The following EIF3A variants were observed in gnomAD, a reference collection of about 807,000 sequenced individuals.
The protein encoded by EIF3A is EIF3, p180 subunit.
A neutral mutation model predicts 186.6 loss-of-function variants in EIF3A; 21 were observed. The ratio of observed to expected loss-of-function variants is 0.11; its 90% confidence interval spans 0.08 to 0.16. EIF3A has a LOEUF of 0.16. Ranked by LOEUF, EIF3A falls within the 10% of genes least tolerant of loss-of-function variation. The pLI is 1.00. For missense variants in EIF3A, 1,306 were observed against 1,796.3 expected (o/e 0.73, Z 4.93); for synonymous variants, 563 against 584.3 (o/e 0.96, Z 0.52).
At chr10:119,069,742 A>G in intron 5 of EIF3A, 88 bp from the exon 6 acceptor site, 2 of 716,912 alleles carry the variant, frequency 2.8e-6, no homozygotes, top group Admixed American at 2.2e-5. Context: ...ACAACACAGA[A>G]AACATAAAAA....
Position 119,033,886 on chromosome 10 carries a change from A to G in EIF3A, c.*2153T>C, listed in dbSNP as rs868485028. ...GTGTCTTTGGTTAAAAAAAAAAAAA[A>G]ACACAGGCAGTTCTTTACATAAAAA... On this transcript the variant is annotated 3_prime_UTR_variant, in exon 22 of 22. Transcript: ENST00000369144. 5 of 159,916 alleles carry G rather than the reference A, an allele frequency of 3.1e-5. No individual in the cohort carries two copies. Among genetic ancestry groups the G allele is most frequent in the African/African-American group, 1.2e-4 (5 of 40,560 alleles). The allele number at this position is 159,916 out of a possible 1,614,324, so 9.9% of individuals were successfully genotyped here. A position where few individuals can be genotyped will look rare whatever the true frequency, so the allele number is the denominator to read the frequency against.
intron 21 of EIF3A, 51 bp downstream of exon 21, chr10:119,037,068 C>CT (rs757776609): frequency 3.5e-6 from 3 of 867,592 alleles, no homozygotes; most frequent in African/African-American, 3.5e-5. Context: ...AATCCCCCCC[C>CT]CCCCAGAAAC....
At chr10:119,063,832 C>T (rs1843927544) in intron 7 of EIF3A, among the ~76,000 whole-genome samples, 1 of 152,172 alleles carries the variant, frequency 6.6e-6, no homozygotes, top group African/African-American at 2.4e-5. Context: ...CCTGTAATCC[C>T]AGCACTTAGG....
At chr10:119,074,190 G>A (rs975303328) in intron 1 of EIF3A, among the ~76,000 whole-genome samples, 8 of 152,156 alleles carry the variant, frequency 5.3e-5, no homozygotes, top group Admixed American at 1.3e-4. Context: ...TCCAGGCCGG[G>A]CGCAGTGGCT....
chr10:119,058,183 T>C lies in EIF3A; in HGVS notation c.1750A>G (p.Ser584Gly), dbSNP rs1450840543. ...TIEERKERLE[S>G]LNIQREKEEL... ...TCTTTCTCACGCTGAATATTCAGACTCTCAAGGCGCTCTTTTCTCTCCTCA... is the reference window on the plus strand; with the variant it reads ...TCTTTCTCACGCTGAATATTCAGACCCTCAAGGCGCTCTTTTCTCTCCTCA... Residue 584 changes from serine to glycine, a missense_variant, in exon 12 of 22, where the codon AGT (serine) becomes GGT (glycine). Physicochemically the swap from Ser to Gly is moderately conservative, Grantham distance 56. Around this residue, in one of 8 missense-constraint regions of EIF3A, gnomAD observed 94 missense variants for 204.9 expected, o/e 0.46. Transcript: ENST00000369144. The C allele has an allele frequency of 1.2e-6, 2 of 1,613,990 alleles. No individual in the cohort carries two copies. The highest frequency in any genetic ancestry group is 1.3e-5 in the African/African-American group (1 of 74,934).
At chr10:119,079,918 A>G (rs945034700) in intron 1 of EIF3A, among the ~76,000 whole-genome samples, 1 of 152,086 alleles carries the variant, frequency 6.6e-6, no homozygotes, top group Non-Finnish European at 1.5e-5. Context: ...CTTTACATTA[A>G]CTCTATTCCA....
chr10:119,038,505 T>C (rs971904985), intron 19 of EIF3A, 66 bp from the exon 20 acceptor site: 12 of 1,290,584 alleles, frequency 9.3e-6, no homozygotes, highest in African/African-American at 7.4e-5. Flanking sequence ...TTGGCAATCA[T>C]GAATAGACGT....
intron 11 of EIF3A, 85 bp from the exon 12 acceptor site, chr10:119,058,388 A>T (rs1843826540): frequency 2.2e-6 from 2 of 900,814 alleles, no homozygotes; most frequent in East Asian, 5.3e-5. Flanking sequence ...AATAATCCTG[A>T]TGTACTGCCT....
chr10:119,066,648 C>A (rs1843986287), intron 6 of EIF3A, among the ~76,000 whole-genome samples: 1 of 150,156 alleles, frequency 6.7e-6, no homozygotes, highest in Admixed American at 6.7e-5. Flanking sequence ...GCTAAATTTT[C>A]ACATCCCTGA....
At chr10:119,071,208 C>T (rs1844064601) in intron 4 of EIF3A, 123 bp from the exon 5 acceptor site, 1 of 701,588 alleles carries the variant, frequency 1.4e-6, no homozygotes, top group Non-Finnish European at 2.4e-6. Context: ...CATCATTAGT[C>T]TTTGTGATGC....
At chr10:119,039,624 CA>C (rs1848181844) in intron 19 of EIF3A, among the ~76,000 whole-genome samples, 1 of 152,076 alleles carries the variant, frequency 6.6e-6, no homozygotes, top group Non-Finnish European at 1.5e-5. Flanking sequence ...GATCTGAGAT[CA>C]CGCCACTGCA....
intron 9 of EIF3A, chr10:119,060,122 G>A (rs1409752173): frequency 2.0e-6 from 1 of 503,958 alleles, no homozygotes; most frequent in Non-Finnish European, 3.9e-6. Context: ...AAGAAAGCAG[G>A]TCAATGAAAT....
At chr10:119,055,642 C>T (rs1843765852) in intron 14 of EIF3A, among the ~76,000 whole-genome samples, 2 of 152,076 alleles carry the variant, frequency 1.3e-5, no homozygotes, top group Admixed American at 1.3e-4. Flanking sequence ...GAGGCCCAGC[C>T]AGGAGAATCG....
intron 8 of EIF3A, 69 bp downstream of exon 8, chr10:119,061,155 G>T: frequency 1.2e-6 from 1 of 808,988 alleles, no homozygotes; most frequent in African/African-American, 1.8e-5. Context: ...TAACAAATAT[G>T]AATACAACCC....
chr10:119,049,709 T>C (rs557857670), intron 17 of EIF3A, 92 bp downstream of exon 17: 4 of 1,160,106 alleles, frequency 3.4e-6, no homozygotes, highest in South Asian at 3.0e-5. Flanking sequence ...TACTCCAGCC[T>C]GGGCAACCTG....
chr10:119,051,682 G>T (rs1848358511), intron 14 of EIF3A, among the ~76,000 whole-genome samples: 2 of 152,086 alleles, frequency 1.3e-5, no homozygotes, highest in Admixed American at 6.5e-5. Flanking sequence ...CAGATTTTTT[G>T]GTTATCCGAT....
At position 119,054,553 on chromosome 10, in the gene EIF3A, TA is replaced by T. The variant is rs747524825; in HGVS notation, c.2196+2186del. Among the ~76,000 whole-genome samples, 832 of 125,578 alleles carry T rather than the reference TA, an allele frequency of 6.6e-3. 1 individual carries two copies. Among genetic ancestry groups the T allele is most frequent in the Non-Finnish European group, 7.2e-3 (418 of 57,980 alleles). The allele number at this position is 125,578 out of a possible 152,430, so 82.4% of individuals were successfully genotyped here. ...AACATAGAGAAACCCCGTCTCTAATTAAAAAAAAAAAAAAAAAGTACAAAAT... is the reference window on the plus strand; with the variant it reads ...AACATAGAGAAACCCCGTCTCTAATTAAAAAAAAAAAAAAAAGTACAAAAT... On this transcript the variant is annotated intron_variant, in intron 14 of 21. Transcript: ENST00000369144.
chr10:119,037,084 T>A, intron 21 of EIF3A, 35 bp downstream of exon 21: 8 of 546,458 alleles, frequency 1.5e-5, no homozygotes, highest in Non-Finnish European at 2.5e-5. Flanking sequence ...GAAACGACAG[T>A]TCTCCAATAC....
Position 119,036,272 on chromosome 10 carries a change from A to G in EIF3A, c.3920-4T>C. 1.9e-6 allele frequency: 3 copies of G among 1,598,236 alleles called. No individual in the cohort carries two copies. In the South Asian group the frequency reaches 3.4e-5, roughly 18 times the overall value. On this transcript the variant is annotated splice_region_variant and splice_polypyrimidine_tract_variant and intron_variant, in intron 21 of 21. Coordinates refer to ENST00000369144, the MANE Select transcript of EIF3A (RefSeq NM_003750.4). ...TCAGCACGTCTCCAAGAACTTACTAAAAAGTTTAATTAAAAAAAAAAAATT... is the reference window on the plus strand; with the variant it reads ...TCAGCACGTCTCCAAGAACTTACTAGAAAGTTTAATTAAAAAAAAAAAATT...
Sources: allele counts gnomAD v4.1 joint callset (sites outside exome capture counted in the v4.1 genomes callset), GRCh38; gene constraint gnomAD v4.1.1; regional missense constraint gnomAD v4.1.1; transcripts MANE v1.5; gene names NCBI Gene and HGNC (gene_info 2026-07-23, HGNC 2026-07-21).